Variants in SPATA7 observed in about 807,000 individuals in gnomAD.
The protein encoded by SPATA7 is spermatogenesis associated 7.
In SPATA7, 43 loss-of-function variants were observed where a neutral mutation model predicts 51.8. The ratio of observed to expected loss-of-function variants is 0.83; its 90% CI spans 0.65 to 1.07. The LOEUF (loss-of-function observed/expected upper bound fraction) is 1.07, where lower values mean the gene tolerates loss of function less well. Among genes scored for constraint, SPATA7 ranks in the 50% least tolerant of loss-of-function variants. The pLI, the probability that SPATA7 is intolerant of heterozygous loss-of-function variation, is 0.00. For missense variants in SPATA7, 683 were observed against 701.3 expected (o/e 0.97, Z 0.30); for synonymous variants, 230 against 252.8 (o/e 0.91, Z 0.86).
Position 88,469,147 on chromosome 14 carries a change from T to C in SPATA7, c.255-700T>C. 1.3e-6 allele frequency: 2 copies of C among 1,485,450 alleles called. No homozygotes were observed. The highest frequency in any genetic ancestry group is 1.8e-4 in the Middle Eastern group (1 of 5,648). 92.0% of individuals were successfully genotyped at this position (1,485,450 alleles called of 1,614,324 possible). On this transcript the variant is annotated intron_variant, in intron 4 of 4. Transcript: ENST00000556406. This position sits in a 1 kb window ranked among gnomAD's most constrained non-coding sequence, Gnocchi z 4.3. ...TATCACATTGTTGACTCAATCTTCATATTCTCTCCACTGATTAAGAGGACT... is the reference window on the plus strand; with the variant it reads ...TATCACATTGTTGACTCAATCTTCACATTCTCTCCACTGATTAAGAGGACT...
rs769714530 is a variant in SPATA7, at chr14:88,437,571, A to G, written c.1189A>G (p.Ile397Val). The G allele has an allele frequency of 6.2e-7, 1 of 1,610,748 alleles. No homozygotes were observed. The highest frequency in any genetic ancestry group is 8.5e-7 in the Non-Finnish European group (1 of 1,177,962). Residue 397 changes from isoleucine (I) to valine (V), a missense_variant, in exon 11 of 12, where the codon ATA (isoleucine) becomes GTA (valine). By Grantham distance (29) the Ile-to-Val change is conservative. Transcript: ENST00000393545. ...TTTAGAACGACTGTTCGAGCGACATATAAAACAAAATAAACATTTGGAGGA... is the reference window on the plus strand; with the variant it reads ...TTTAGAACGACTGTTCGAGCGACATGTAAAACAAAATAAACATTTGGAGGA... ...RFLERLFERH[I>V]KQNKHLEEEK...
intron 5 of SPATA7, among the ~76,000 whole-genome samples, chr14:88,420,598 C>A (rs1285478682): frequency 6.6e-6 from 1 of 151,950 alleles, no homozygotes; most frequent in African/African-American, 2.4e-5. Flanking sequence ...ATTTTGAAAA[C>A]CTTAGCATTT....
exon 4 of SPATA7, chr14:88,455,223 C>A: frequency 2.5e-6 from 1 of 402,670 alleles, no homozygotes; most frequent in South Asian, 1.8e-5. Context: ...TATTAATTGA[C>A]CCACAAATAT....
chr14:88,448,489 A>G (rs910853477), intron 3 of SPATA7, among the ~76,000 whole-genome samples: 5 of 152,196 alleles, frequency 3.3e-5, no homozygotes, highest in African/African-American at 1.2e-4. Context: ...TCAGCTCGTC[A>G]AAGTCATTCT....
At chr14:88,394,017 TACAGCCC>T (rs2075814918) in intron 3 of SPATA7, among the ~76,000 whole-genome samples, 2 of 152,164 alleles carry the variant, frequency 1.3e-5, no homozygotes, top group Middle Eastern at 3.2e-3. Context: ...CCTGTTTCTG[TACAGCCC>T]ATGAACTAAG....
chr14:88,398,977 A>C (rs914870553), intron 4 of SPATA7, among the ~76,000 whole-genome samples: 6 of 151,260 alleles, frequency 4.0e-5, no homozygotes, highest in Non-Finnish European at 8.8e-5. Flanking sequence ...GCGTGAACCC[A>C]GGAGGCGGAG....
intron 1 of SPATA7, among the ~76,000 whole-genome samples, chr14:88,391,158 C>G (rs1370455870): frequency 6.6e-6 from 1 of 152,158 alleles, no homozygotes; most frequent in Admixed American, 6.5e-5. Flanking sequence ...CTTAAAACAT[C>G]TCTGTTTGGG....
chr14:88,388,516 C>T (rs2075645934), intron 1 of SPATA7, among the ~76,000 whole-genome samples: 1 of 151,992 alleles, frequency 6.6e-6, no homozygotes. Flanking sequence ...GGGTCCAGTC[C>T]AGTCAGGAGA....
At chr14:88,457,177 C>G (rs895880784), downstream of SPATA7, among the ~76,000 whole-genome samples, 9 of 152,102 alleles carry the variant, frequency 5.9e-5, no homozygotes, top group Admixed American at 2.0e-4. Context: ...CAGCTTTGTT[C>G]TTTTGGCTTA....
At chr14:88,391,355 T>C (rs779337659) in intron 1 of SPATA7, 26 bp from the exon 2 acceptor site, 3 of 1,580,276 alleles carry the variant, frequency 1.9e-6, no homozygotes, top group Non-Finnish European at 2.6e-6. Flanking sequence ...TTATCCTAAT[T>C]TATGATTTTT....
chr14:88,432,036 A>C (rs1007944412), intron 9 of SPATA7, among the ~76,000 whole-genome samples: 2 of 152,206 alleles, frequency 1.3e-5, no homozygotes, highest in Non-Finnish European at 2.9e-5. Flanking sequence ...GTATTACCTG[A>C]TACTTTTTAA....
intron 4 of SPATA7, among the ~76,000 whole-genome samples, chr14:88,401,796 C>T (rs1438264898): frequency 2.2e-5 from 3 of 136,258 alleles, no homozygotes; most frequent in Admixed American, 8.0e-5. Flanking sequence ...TTGACCGTGC[C>T]ACTGAATTCC....
chr14:88,456,616 G>C (rs1396484131), downstream of SPATA7, among the ~76,000 whole-genome samples: 1 of 147,310 alleles, frequency 6.8e-6, no homozygotes, highest in Admixed American at 6.6e-5. Flanking sequence ...TGTAGATTCT[G>C]GATATTAGCC....
downstream of SPATA7, among the ~76,000 whole-genome samples, chr14:88,458,987 G>C (rs547258966): frequency 7.2e-5 from 11 of 152,316 alleles, no homozygotes; most frequent in African/African-American, 2.4e-4. Context: ...ATACCCATTA[G>C]TCATTCAGGA....
intron 4 of SPATA7, among the ~76,000 whole-genome samples, chr14:88,400,509 G>GA (rs2076025175): frequency 6.6e-6 from 1 of 152,046 alleles, no homozygotes; most frequent in African/African-American, 2.4e-5. Context: ...TAGACTAATA[G>GA]AAAAAAGGAG....
chr14:88,430,956 G>A (rs2076922365), intron 8 of SPATA7, among the ~76,000 whole-genome samples: 1 of 152,126 alleles, frequency 6.6e-6, no homozygotes. Flanking sequence ...CAAAGGAAAT[G>A]CTCATTGGAA....
chr14:88,397,999 G>C (rs1224334325), intron 4 of SPATA7, among the ~76,000 whole-genome samples: 3 of 151,722 alleles, frequency 2.0e-5, no homozygotes, highest in African/African-American at 7.3e-5. Flanking sequence ...GGAGAATGGC[G>C]TGAACCCGGG....
intron 3 of SPATA7, among the ~76,000 whole-genome samples, chr14:88,449,583 G>T (rs143597681): frequency 9.2e-5 from 14 of 152,236 alleles, no homozygotes; most frequent in African/African-American, 3.4e-4. Context: ...GTGAATATCT[G>T]TTTAGTTTAT....
intron 5 of SPATA7, among the ~76,000 whole-genome samples, chr14:88,420,020 T>G (rs965759387): frequency 2.0e-5 from 3 of 152,186 alleles, no homozygotes; most frequent in African/African-American, 7.2e-5. Context: ...TCTGTGATTC[T>G]GTTATGTGGC....
Sources: allele counts gnomAD v4.1 joint callset (sites outside exome capture counted in the v4.1 genomes callset), GRCh38; gene constraint gnomAD v4.1.1; non-coding constraint Gnocchi (gnomAD v3.1); transcripts MANE v1.5; gene names NCBI Gene and HGNC (gene_info 2026-07-23, HGNC 2026-07-21).